The following SORCS1 variants were observed in gnomAD, a reference collection of about 807,000 sequenced individuals.
SORCS1 encodes VPS10 domain-containing receptor SorCS1.
Under a neutral mutation model 146.1 loss-of-function variants are expected in SORCS1, and 60 were observed. The observed-to-expected ratio is 0.41, with a 90% CI of 0.33 to 0.51. SORCS1 has a LOEUF of 0.51. Ranked by LOEUF, SORCS1 falls within the 20% of genes least tolerant of loss-of-function variation. The pLI is 0.21. For synonymous variants in SORCS1, 637 were observed against 584.0 expected, an observed-to-expected ratio of 1.09 and a Z score of -1.31; for missense variants, 1,352 against 1,487.6, an observed-to-expected ratio of 0.91 and a Z score of 1.50.
chr10:107,053,066 C>T (rs2134062093), intron 1 of SORCS1, among the ~76,000 whole-genome samples: 2 of 152,252 alleles, frequency 1.3e-5, no homozygotes, highest in South Asian at 4.2e-4. Context: ...CTTTGGAATA[C>T]ATTTCCTATG....
intron 3 of SORCS1, among the ~76,000 whole-genome samples, chr10:106,781,661 T>C (rs2152674): frequency 0.047 from 7,129 of 152,204 alleles, 268 homozygotes; most frequent in East Asian, 0.11. Flanking sequence ...TTAAGCAAAA[T>C]GTAATCAGAG....
At chr10:106,997,557 T>C (rs930368794) in intron 1 of SORCS1, among the ~76,000 whole-genome samples, 5 of 152,184 alleles carry the variant, frequency 3.3e-5, no homozygotes, top group Admixed American at 6.5e-5. Flanking sequence ...AGAAGCCATG[T>C]TGCAAGTCAT....
At chr10:106,923,221 T>G (rs2138438474) in intron 2 of SORCS1, among the ~76,000 whole-genome samples, 1 of 152,342 alleles carries the variant, frequency 6.6e-6, no homozygotes, top group South Asian at 2.1e-4. Flanking sequence ...TCCGTAGTTT[T>G]ATCTTTTCCA....
At chr10:106,836,736 TA>T (rs201637122) in intron 2 of SORCS1, among the ~76,000 whole-genome samples, 6,166 of 130,160 alleles carry the variant, frequency 0.047, 304 homozygotes, top group East Asian at 0.26. Context: ...ATTGATTAAA[TA>T]AAAAAAAAAA....
At chr10:106,975,332 G>A (rs1255894946) in intron 1 of SORCS1, among the ~76,000 whole-genome samples, 8 of 152,332 alleles carry the variant, frequency 5.3e-5, no homozygotes, top group South Asian at 4.1e-4. Context: ...GACAGGCACT[G>A]AGAAATGTCA....
Position 107,003,429 on chromosome 10 carries a change from AGTGTGTGTGTGT to A in SORCS1, c.559-46861_559-46850del, listed in dbSNP as rs59467041. On this transcript the variant is annotated intron_variant, in intron 1 of 25. Coordinates refer to ENST00000263054, the MANE Select transcript of SORCS1 (RefSeq NM_052918.5). Reference sequence around the variant, plus strand: ...ATAGAGAGAATAATAAATTCCCATAAGTGTGTGTGTGTGTGTGTGTGTGTGTGTGTGTGTGTG... The same window carrying A: ...ATAGAGAGAATAATAAATTCCCATAAGTGTGTGTGTGTGTGTGTGTGTGTG... Among the ~76,000 whole-genome samples the A allele has an allele frequency of 1.0e-3, 147 of 140,518 alleles. 1 individual carries two copies. The highest frequency in any genetic ancestry group is 2.2e-3 in the African/African-American group (85 of 38,670). The allele number at this position is 140,518 out of a possible 152,430, so 92.2% of individuals were successfully genotyped here.
At chr10:107,080,360 C>T (rs1307490075) in intron 1 of SORCS1, among the ~76,000 whole-genome samples, 1 of 152,182 alleles carries the variant, frequency 6.6e-6, no homozygotes, top group Admixed American at 6.5e-5. Context: ...ATGAGATTAT[C>T]TCCCTTGACC....
chr10:107,171,597 A>C, the SORCS1 span, among the ~76,000 whole-genome samples: 1 of 144,288 alleles, frequency 6.9e-6, no homozygotes, highest in South Asian at 2.2e-4. Context: ...GCTCACTGCA[A>C]CCTCTGCCTC....
chr10:106,954,815 G>T (rs563419685), intron 2 of SORCS1, among the ~76,000 whole-genome samples: 1 of 152,176 alleles, frequency 6.6e-6, no homozygotes, highest in African/African-American at 2.4e-5. Flanking sequence ...TCAGCCACAC[G>T]TTGGGACTAC....
rs539442010 is a variant in SORCS1, at chr10:106,745,038, TTAA to T, written c.960-14927_960-14925del. On this transcript the variant is annotated intron_variant, in intron 5 of 25. Transcript: ENST00000263054. Reference sequence around the variant, plus strand: ...GTTTATTAGCCAAAAAGTCTTGCCCTTAATTAGTAGGTCAACAGGGATCCTCTT... The same window carrying T: ...GTTTATTAGCCAAAAAGTCTTGCCCTTTAGTAGGTCAACAGGGATCCTCTT... 1.6e-3 allele frequency among the ~76,000 whole-genome samples: 237 copies of T among 152,240 alleles called. 1 individual carries two copies. The highest frequency in any genetic ancestry group is 2.7e-3 in the Non-Finnish European group (187 of 68,018).
intron 3 of SORCS1, among the ~76,000 whole-genome samples, chr10:106,822,700 A>G (rs1238053250): frequency 6.6e-6 from 1 of 151,930 alleles, no homozygotes; most frequent in Non-Finnish European, 1.5e-5. Context: ...AAGTGTAGGG[A>G]AGTAAGGATT....
rs1357829517 is a variant in SORCS1 at position 106,798,303 on chromosome 10, T to C, written c.727-21611A>G. On this transcript the variant is annotated intron_variant, in intron 3 of 25. Transcript: ENST00000263054. Reference sequence around the variant, plus strand: ...TAAATTGCCCAGTCTTGTCTTTTTTTTATACTTTAAGTTCTATGGTACATG... The same window carrying C: ...TAAATTGCCCAGTCTTGTCTTTTTTCTATACTTTAAGTTCTATGGTACATG... Among the ~76,000 whole-genome samples the C allele has an allele frequency of 2.6e-5, 4 of 152,372 alleles. No homozygotes were observed. In the East Asian group the frequency reaches 7.7e-4, roughly 29 times the overall value.
At chr10:107,004,904 A>G (rs776701044) in intron 1 of SORCS1, among the ~76,000 whole-genome samples, 3 of 152,108 alleles carry the variant, frequency 2.0e-5, no homozygotes, top group Non-Finnish European at 4.4e-5. Context: ...TGAATTTCTA[A>G]AGAAAGCCAA....
At chr10:107,127,959 A>T (rs1021943898) in intron 1 of SORCS1, among the ~76,000 whole-genome samples, 1 of 152,226 alleles carries the variant, frequency 6.6e-6, no homozygotes, top group Admixed American at 6.5e-5. Flanking sequence ...TAAATTGGTC[A>T]CACTTATAGT....
At position 107,041,417 on chromosome 10, in the gene SORCS1, A is replaced by G. The variant is rs1032912398; in HGVS notation, c.559-84837T>C. ...TCTAAAGGGGATTAAAAAAAAAAAA[A>G]AAGAAAGAAAAGCGAGAAAGGAGAT... On this transcript the variant is annotated intron_variant, in intron 1 of 25. Transcript: ENST00000263054. 3.9e-5 allele frequency among the ~76,000 whole-genome samples: 6 copies of G among 151,990 alleles called. No homozygotes were observed. In the East Asian group the frequency reaches 5.8e-4, roughly 15 times the overall value.
At chr10:106,923,196 G>A (rs1006519502) in intron 2 of SORCS1, among the ~76,000 whole-genome samples, 1 of 152,088 alleles carries the variant, frequency 6.6e-6, no homozygotes, top group Non-Finnish European at 1.5e-5. Context: ...GCCAACCATG[G>A]ACTTTCTTAC....
At chr10:107,023,048 C>T (rs143008711) in intron 1 of SORCS1, among the ~76,000 whole-genome samples, 97 of 152,260 alleles carry the variant, frequency 6.4e-4, no homozygotes, top group African/African-American at 2.2e-3. Flanking sequence ...TCCAAGTTCA[C>T]GGTGCAGTAT....
intron 1 of SORCS1, among the ~76,000 whole-genome samples, chr10:107,111,901 C>A (rs967547581): frequency 2.0e-5 from 3 of 152,094 alleles, no homozygotes; most frequent in Admixed American, 1.3e-4. Context: ...GCCTTTCAGG[C>A]CAAAATGGAG....
chr10:106,658,289 C>T (rs182593689), intron 17 of SORCS1, among the ~76,000 whole-genome samples: 1 of 151,880 alleles, frequency 6.6e-6, no homozygotes, highest in African/African-American at 2.4e-5. Flanking sequence ...ATGCTCTTTC[C>T]TACTGGCAAA....
Sources: gnomAD v4.1 joint callset for allele counts (sites outside exome capture counted in the v4.1 genomes callset) on GRCh38, gnomAD v4.1.1 for gene constraint, MANE v1.5 for transcripts, NCBI Gene and HGNC (gene_info 2026-07-23, HGNC 2026-07-21) for gene names.